The following SHC3 variants were observed in gnomAD, a reference collection of about 807,000 sequenced individuals.
SHC3 encodes the protein SHC adaptor protein 3, also known as SHC-transforming protein 3.
Under a neutral mutation model 60.4 loss-of-function variants are expected in SHC3, and 15 were observed. The observed-to-expected ratio is 0.25, with a 90% CI of 0.17 to 0.38. SHC3 has a LOEUF of 0.38. Among genes scored for constraint, SHC3 ranks in the 10% least tolerant of loss-of-function variants. The pLI, the probability that SHC3 is intolerant of heterozygous loss-of-function variation, is 1.00. For synonymous variants in SHC3, 294 were observed against 325.9 expected (o/e 0.90, Z 1.05); for missense variants, 677 against 786.1 (o/e 0.86, Z 1.66).
chr9:89,161,174 G>A (rs1354588408), intron 1 of SHC3, among the ~76,000 whole-genome samples: 3 of 152,162 alleles, frequency 2.0e-5, no homozygotes, highest in African/African-American at 2.4e-5. Flanking sequence ...GTGGGGCCTC[G>A]TAGGACCCCA....
In SHC3 at chr9:89,062,895, A is replaced by C. The variant is rs141169691; in HGVS notation, c.835+2634T>G. Among the ~76,000 whole-genome samples, 911 of 152,328 alleles carry C rather than the reference A, an allele frequency of 6.0e-3. 7 individuals carry two copies. Among genetic ancestry groups the C allele is most frequent in the African/African-American group, 0.02 (839 of 41,568 alleles). On this transcript the variant is annotated intron_variant, in intron 6 of 11. Coordinates refer to ENST00000375835, the MANE Select transcript of SHC3 (RefSeq NM_016848.6). ...AGAAAGCCCTGCCACTGGCTCCTTC[A>C]TGGAGGAAGTCATCCTGGTAAGGAC...
chr9:89,050,806 C>T (rs966469529), intron 7 of SHC3, among the ~76,000 whole-genome samples: 5 of 152,082 alleles, frequency 3.3e-5, no homozygotes, highest in African/African-American at 1.2e-4. Flanking sequence ...AAATTTGTTT[C>T]CTCAGTCTCC....
intron 2 of SHC3, among the ~76,000 whole-genome samples, chr9:89,108,573 A>G (rs563932800): frequency 1.3e-5 from 2 of 152,150 alleles, no homozygotes; most frequent in African/African-American, 2.4e-5. Flanking sequence ...ACACACATAC[A>G]CACCTATCCC....
At chr9:89,150,924 A>G (rs1365037080) in intron 1 of SHC3, among the ~76,000 whole-genome samples, 1 of 151,942 alleles carries the variant, frequency 6.6e-6, no homozygotes, top group Admixed American at 6.6e-5. Context: ...TAAAGGGTAT[A>G]AAGTGGCATT....
At chr9:89,163,095 C>G (rs1417145363) in intron 1 of SHC3, among the ~76,000 whole-genome samples, 1 of 144,764 alleles carries the variant, frequency 6.9e-6, no homozygotes, top group Non-Finnish European at 1.5e-5. Context: ...CAGGAAACAA[C>G]AGGTGCTGGA....
At chr9:89,060,565 C>G (rs1587704009) in intron 6 of SHC3, among the ~76,000 whole-genome samples, 3 of 151,886 alleles carry the variant, frequency 2.0e-5, no homozygotes, top group Non-Finnish European at 2.9e-5. Flanking sequence ...AAGGAAGACC[C>G]AGAAGCCAGT....
chr9:89,150,662 A>G (rs770315930), intron 1 of SHC3, among the ~76,000 whole-genome samples: 26 of 152,186 alleles, frequency 1.7e-4, no homozygotes, highest in Non-Finnish European at 3.1e-4. Flanking sequence ...TAAAGCTGCT[A>G]TGAACATTTG....
At chr9:89,131,071 G>A (rs1227199637) in intron 1 of SHC3, among the ~76,000 whole-genome samples, 1 of 151,950 alleles carries the variant, frequency 6.6e-6, no homozygotes, top group East Asian at 1.9e-4. Context: ...AATGATAAAG[G>A]GGATATCACC....
At chr9:89,133,576 CA>C (rs1826279667) in intron 1 of SHC3, among the ~76,000 whole-genome samples, 1 of 152,144 alleles carries the variant, frequency 6.6e-6, no homozygotes, top group South Asian at 2.1e-4. Flanking sequence ...GAATACTATG[CA>C]GCCATAAAAA....
At chr9:89,165,238 GAAAGA>G (rs1178180047) in intron 1 of SHC3, among the ~76,000 whole-genome samples, 1 of 149,894 alleles carries the variant, frequency 6.7e-6, no homozygotes, top group African/African-American at 2.5e-5. Flanking sequence ...AAAGATGAAA[GAAAGA>G]AAAGAAAAAG....
In SHC3 at chr9:89,132,151, C is replaced by T. The variant is rs190201027; in HGVS notation, c.475-19525G>A. Reference sequence around the variant, plus strand: ...GAGAGCCAAATCATGAGTGAACTCCCATTCACAATTGCTTCAAAGAGAATA... The same window carrying T: ...GAGAGCCAAATCATGAGTGAACTCCTATTCACAATTGCTTCAAAGAGAATA... On this transcript the variant is annotated intron_variant, in intron 1 of 11. Coordinates refer to ENST00000375835, the MANE Select transcript of SHC3 (RefSeq NM_016848.6). Among the ~76,000 whole-genome samples, 7 of 152,278 alleles carry T rather than the reference C, an allele frequency of 4.6e-5. No homozygotes were observed. In the East Asian group the frequency reaches 1.3e-3, roughly 29 times the overall value.
chr9:89,111,797 T>G (rs1360540061), intron 2 of SHC3, among the ~76,000 whole-genome samples: 3 of 152,132 alleles, frequency 2.0e-5, no homozygotes, highest in Non-Finnish European at 4.4e-5. Context: ...TATGAGGCAT[T>G]TTTCTGAGGT....
intron 2 of SHC3, among the ~76,000 whole-genome samples, chr9:89,099,268 T>A (rs1825749199): frequency 6.6e-6 from 1 of 152,234 alleles, no homozygotes; most frequent in African/African-American, 2.4e-5. Flanking sequence ...TTAGACTTGC[T>A]AATGCATCAA....
rs192772900 is a variant in SHC3, at chr9:89,032,179, C to T, written c.1656+5814G>A. On this transcript the variant is annotated intron_variant, in intron 11 of 11. Transcript: ENST00000375835. ...CCAGATTTTATTTGTTATTGCAGAACAGCCTAGACTGGCTGGTACAAAGGG... is the reference window on the plus strand; with the variant it reads ...CCAGATTTTATTTGTTATTGCAGAATAGCCTAGACTGGCTGGTACAAAGGG... Among the ~76,000 whole-genome samples, 86 of 152,260 alleles carry T rather than the reference C, an allele frequency of 5.6e-4. 1 individual carries two copies. The highest frequency in any genetic ancestry group is 6.2e-4 in the Non-Finnish European group (42 of 68,010).
At position 89,178,046 on chromosome 9, in the gene SHC3, G is replaced by C; in HGVS notation, c.415C>G (p.Arg139Gly). 8.1e-7 allele frequency: 1 copy of C among 1,227,800 alleles called. No homozygotes were observed. The highest frequency in any genetic ancestry group is 3.9e-5 in the South Asian group (1 of 25,642). The allele number at this position is 1,227,800 out of a possible 1,614,324, so 76.1% of individuals were successfully genotyped here. A position where few individuals can be genotyped will look rare whatever the true frequency, so the allele number is the denominator to read the frequency against. Reference sequence around the variant, plus strand: ...TGGTCGCTGGCGTGCGGCGCCCCCCGAGGGGGCCTGGGCAGCGGCTCGTCG... The same window carrying C: ...TGGTCGCTGGCGTGCGGCGCCCCCCCAGGGGGCCTGGGCAGCGGCTCGTCG... Reference protein sequence around the residue: ...PGDEPLPRPPRGAPHASDQVL... With the variant: ...PGDEPLPRPPGGAPHASDQVL... The change falls in exon 1 of 12, where the codon CGG (arginine) becomes GGG (glycine). Residue 139 changes from arginine (R) to glycine (G), a missense_variant. Coordinates refer to ENST00000375835, the MANE Select transcript of SHC3 (RefSeq NM_016848.6). The surrounding 1 kb of genome is among the most constrained non-coding windows in gnomAD (Gnocchi z 6.9).
At chr9:89,163,102 T>C (rs752451036) in intron 1 of SHC3, among the ~76,000 whole-genome samples, 2,071 of 145,376 alleles carry the variant, frequency 0.014, 25 homozygotes, top group Non-Finnish European at 0.02. Context: ...CAACAGGTGC[T>C]GGAGAGGATG....
intron 11 of SHC3, among the ~76,000 whole-genome samples, chr9:89,025,212 ACG>A (rs1301306469): frequency 2.9e-5 from 4 of 137,266 alleles, no homozygotes; most frequent in Non-Finnish European, 6.4e-5. Context: ...ACACACACAC[ACG>A]TACGCACACA....
intron 1 of SHC3, among the ~76,000 whole-genome samples, chr9:89,173,545 T>C (rs1028392718): frequency 3.9e-5 from 6 of 152,204 alleles, no homozygotes; most frequent in Admixed American, 1.3e-4. Context: ...ACTGAGATAA[T>C]TGGGTATTTC....
intron 5 of SHC3, among the ~76,000 whole-genome samples, chr9:89,067,129 C>T (rs986689870): frequency 3.3e-5 from 5 of 152,202 alleles, no homozygotes; most frequent in African/African-American, 4.8e-5. Context: ...AATGAAAGAT[C>T]GTCCACCTGG....
Sources: allele counts gnomAD v4.1 joint callset (sites outside exome capture counted in the v4.1 genomes callset), GRCh38; gene constraint gnomAD v4.1.1; non-coding constraint Gnocchi (gnomAD v3.1); transcripts MANE v1.5; gene names NCBI Gene and HGNC (gene_info 2026-07-23, HGNC 2026-07-21).